The following WWC1 variants were observed in gnomAD, a reference collection of about 807,000 sequenced individuals.
The protein encoded by WWC1 is protein KIBRA.
WWC1 carries 55 observed loss-of-function variants against 138.4 expected under a neutral mutation model. The observed-to-expected ratio is 0.40, with a 90% CI of 0.32 to 0.50. WWC1 has a LOEUF of 0.50. Among genes scored for constraint, WWC1 ranks in the 20% least tolerant of loss-of-function variants. The pLI is 0.72. For synonymous variants in WWC1, 524 were observed against 564.9 expected, an observed-to-expected ratio of 0.93 and a Z score of 1.03; for missense variants, 1,226 against 1,420.4, an observed-to-expected ratio of 0.86 and a Z score of 2.20.
intron 1 of WWC1, among the ~76,000 whole-genome samples, chr5:168,350,912 G>A (rs370891964): frequency 3.3e-5 from 5 of 152,244 alleles, no homozygotes; most frequent in South Asian, 4.2e-4. Context: ...TTGGGAGGCC[G>A]AGGCGGGCGG....
In WWC1 at chr5:168,406,347, T is replaced by C. The variant is rs371236169; in HGVS notation, c.720+20T>C. Reference sequence around the variant, plus strand: ...ATTAAGGTATGCAAGTTCCTGTTGATGTGGGTGCCATCTTGATTTCTCCTG... The same window carrying C: ...ATTAAGGTATGCAAGTTCCTGTTGACGTGGGTGCCATCTTGATTTCTCCTG... On this transcript the variant is annotated intron_variant, in intron 6 of 22. Coordinates refer to ENST00000265293, the MANE Select transcript of WWC1 (RefSeq NM_015238.3). 1 of 1,612,716 alleles carries C rather than the reference T, an allele frequency of 6.2e-7. No individual in the cohort carries two copies. The highest frequency in any genetic ancestry group is 8.5e-7 in the Non-Finnish European group (1 of 1,179,162).
At chr5:168,348,085 T>A (rs1413438523) in intron 1 of WWC1, among the ~76,000 whole-genome samples, 6 of 152,230 alleles carry the variant, frequency 3.9e-5, no homozygotes. Flanking sequence ...CTGGCATACC[T>A]GAGCTCCTTT....
chr5:168,378,346 AC>A (rs1295704253), intron 2 of WWC1, among the ~76,000 whole-genome samples: 1 of 152,148 alleles, frequency 6.6e-6, no homozygotes, highest in Non-Finnish European at 1.5e-5. Flanking sequence ...TGCACAGTAT[AC>A]CCCAAACCTC....
At chr5:168,461,828 G>A (rs550625596) in intron 20 of WWC1, among the ~76,000 whole-genome samples, 6 of 152,290 alleles carry the variant, frequency 3.9e-5, no homozygotes, top group Non-Finnish European at 8.8e-5. Flanking sequence ...GGGAGGCCGA[G>A]GCAGGTGGAT....
In WWC1 at chr5:168,431,331, A is replaced by G. The variant is rs1363517192; in HGVS notation, c.2167A>G (p.Thr723Ala). The G allele has an allele frequency of 3.7e-6, 6 of 1,613,622 alleles. No homozygotes were observed. The highest frequency in any genetic ancestry group is 5.1e-6 in the Non-Finnish European group (6 of 1,179,936). ...GACCCGGCCTCTGGACGCCTCAGAC[A>G]CTCTAGTGTTCAATGAGGTGTTCTG... ...FRTRPLDASD[T>A]LVFNEVFWVS... Residue 723 changes from threonine (T) to alanine (A), a missense_variant, in exon 15 of 23, where the codon ACT (threonine) becomes GCT (alanine). Thr to Ala is a moderately conservative substitution (Grantham distance 58, BLOSUM62 0). Around this residue, in one of 3 missense-constraint regions of WWC1, gnomAD observed 1,016 missense variants for 1,153.9 expected, o/e 0.88. Transcript: ENST00000265293.
chr5:168,459,868 C>T (rs1248706188), intron 19 of WWC1, among the ~76,000 whole-genome samples: 2 of 152,228 alleles, frequency 1.3e-5, no homozygotes, highest in Non-Finnish European at 1.5e-5. Context: ...AGAAAGAAAT[C>T]CCCACTCTGC....
At chr5:168,420,979 T>G (rs1781048690) in intron 9 of WWC1, among the ~76,000 whole-genome samples, 1 of 152,154 alleles carries the variant, frequency 6.6e-6, no homozygotes, top group Non-Finnish European at 1.5e-5. Flanking sequence ...CTGTCCATTA[T>G]CCATCCTTAA....
At chr5:168,451,654 A>G (rs1755826115) in intron 17 of WWC1, among the ~76,000 whole-genome samples, 1 of 152,164 alleles carries the variant, frequency 6.6e-6, no homozygotes, top group African/African-American at 2.4e-5. Flanking sequence ...ACAGTGAGCT[A>G]TGATCACACC....
chr5:168,425,358 C>T (rs1781422859), intron 11 of WWC1, among the ~76,000 whole-genome samples: 1 of 152,058 alleles, frequency 6.6e-6, no homozygotes, highest in African/African-American at 2.4e-5. Flanking sequence ...GCTTTCCTGG[C>T]CACAGTAAAA....
chr5:168,436,137 C>T (rs1297193425), intron 15 of WWC1, among the ~76,000 whole-genome samples: 1 of 152,152 alleles, frequency 6.6e-6, no homozygotes. Context: ...GCCACCGTGC[C>T]TGGCCTGGCC....
intron 3 of WWC1, 133 bp from the exon 4 acceptor site, chr5:168,397,591 C>A: frequency 1.2e-6 from 1 of 820,258 alleles, no homozygotes; most frequent in Middle Eastern, 3.5e-4. Context: ...TGTAACAAAT[C>A]CCCCTTTGTT....
At chr5:168,405,274 C>T (rs1457023477) in intron 5 of WWC1, among the ~76,000 whole-genome samples, 1 of 152,204 alleles carries the variant, frequency 6.6e-6, no homozygotes, top group Non-Finnish European at 1.5e-5. Context: ...TTTGCTCCGT[C>T]TCCCTCAAGG....
chr5:168,412,481 T>C (rs1780304194), intron 8 of WWC1, among the ~76,000 whole-genome samples: 1 of 152,184 alleles, frequency 6.6e-6, no homozygotes, highest in African/African-American at 2.4e-5. Context: ...AGAGAAAGTA[T>C]ATCCAGTAAA....
chr5:168,376,242 T>G (rs775639758), intron 2 of WWC1, among the ~76,000 whole-genome samples: 1 of 151,232 alleles, frequency 6.6e-6, no homozygotes, highest in Non-Finnish European at 1.5e-5. Context: ...TTAGTAGAGA[T>G]GGGGTTTCAC....
At chr5:168,372,305 G>A (rs1164074072) in intron 2 of WWC1, among the ~76,000 whole-genome samples, 1 of 152,146 alleles carries the variant, frequency 6.6e-6, no homozygotes, top group Non-Finnish European at 1.5e-5. Flanking sequence ...CATCCACTGA[G>A]CACCCTCTTG....
At chr5:168,307,319 G>A (rs1439912586) in intron 1 of WWC1, among the ~76,000 whole-genome samples, 1 of 152,208 alleles carries the variant, frequency 6.6e-6, no homozygotes, top group Non-Finnish European at 1.5e-5. Context: ...AGGCCAGGAT[G>A]TCAAGGAGAG....
chr5:168,391,383 A>G (rs1360301722), intron 3 of WWC1, among the ~76,000 whole-genome samples: 2 of 152,130 alleles, frequency 1.3e-5, no homozygotes, highest in Non-Finnish European at 2.9e-5. Context: ...AAAATGGACC[A>G]GGCGCGGTGG....
In WWC1 at chr5:168,464,875, A is replaced by G. The variant is rs1279204133; in HGVS notation, c.3063A>G (p.Gln1021=). 1 of 1,614,218 alleles carries G rather than the reference A, an allele frequency of 6.2e-7. No individual in the cohort carries two copies. The highest frequency in any genetic ancestry group is 2.2e-5 in the East Asian group (1 of 44,872). Residue 1021 remains glutamine, a synonymous_variant, in exon 21 of 23, where the codon CAA becomes CAG. Coordinates refer to ENST00000265293, the MANE Select transcript of WWC1 (RefSeq NM_015238.3). ...AGGAGCTCAAGGAGCAGCTGGAACAAGCCAAGAGCCACGGGGAGAAGGAGC... is the reference window on the plus strand; with the variant it reads ...AGGAGCTCAAGGAGCAGCTGGAACAGGCCAAGAGCCACGGGGAGAAGGAGC... ...VLKELKEQLE[Q]AKSHGEKELP... is the part of the protein sequence containing the mutation.
intron 1 of WWC1, among the ~76,000 whole-genome samples, chr5:168,303,226 T>G (rs1317095045): frequency 6.6e-6 from 1 of 152,188 alleles, no homozygotes; most frequent in Non-Finnish European, 1.5e-5. Flanking sequence ...GAGGACCATA[T>G]ATCATGTTCT....
Sources: allele counts gnomAD v4.1 joint callset (sites outside exome capture counted in the v4.1 genomes callset), GRCh38; gene constraint gnomAD v4.1.1; regional missense constraint gnomAD v4.1.1; transcripts MANE v1.5; gene names NCBI Gene and HGNC (gene_info 2026-07-23, HGNC 2026-07-21).